Variants in PRKCA observed in about 807,000 individuals in gnomAD.
PRKCA encodes protein kinase C alpha.
A neutral mutation model predicts 87.0 loss-of-function variants in PRKCA; 27 were observed. That is an observed-to-expected ratio of 0.31 (90% CI 0.23 to 0.43). The LOEUF (loss-of-function observed/expected upper bound fraction) is 0.43, where lower values mean the gene tolerates loss of function less well. Among genes scored for constraint, PRKCA ranks in the 20% least tolerant of loss-of-function variants. The pLI, the probability that PRKCA is intolerant of heterozygous loss-of-function variation, is 1.00. For missense variants in PRKCA, 518 were observed against 852.3 expected, an observed-to-expected ratio of 0.61 and a Z score of 4.88; for synonymous variants, 329 against 311.1, an observed-to-expected ratio of 1.06 and a Z score of -0.61.
At chr17:66,470,365 A>G in intron 2 of PRKCA, among the ~76,000 whole-genome samples, 1 of 107,892 alleles carries the variant, frequency 9.3e-6, no homozygotes, top group African/African-American at 4.1e-5. Context: ...AGCTGGGATT[A>G]CAGGCACCCC....
chr17:66,411,855 G>GGCCA (rs67486062), intron 2 of PRKCA, among the ~76,000 whole-genome samples: 2 of 5,108 alleles, frequency 3.9e-4, no homozygotes, highest in Non-Finnish European at 1.9e-3. Context: ...CTGAGCAATG[G>GGCCA]GCCGCCTACT....
At chr17:66,736,284 C>CTT (rs148439214) in intron 10 of PRKCA, among the ~76,000 whole-genome samples, 12 of 144,120 alleles carry the variant, frequency 8.3e-5, no homozygotes, top group South Asian at 2.2e-4. Context: ...ACAGTCTTGG[C>CTT]TTTTTTTTTT....
intron 2 of PRKCA, among the ~76,000 whole-genome samples, chr17:66,349,294 G>T (rs1907589375): frequency 6.6e-6 from 1 of 152,174 alleles, no homozygotes; most frequent in African/African-American, 2.4e-5. Context: ...TTTTATAAGA[G>T]AAATTAAAAT....
chr17:66,463,704 G>C (rs1001091690), intron 2 of PRKCA, among the ~76,000 whole-genome samples: 1 of 152,072 alleles, frequency 6.6e-6, no homozygotes, highest in African/African-American at 2.4e-5. Flanking sequence ...TAGTTTGTTT[G>C]TTTTGTTTTT....
intron 2 of PRKCA, among the ~76,000 whole-genome samples, chr17:66,362,361 T>TG: frequency 6.6e-6 from 1 of 152,298 alleles, no homozygotes. Flanking sequence ...CTTTCTCACC[T>TG]GTACCTTTTA....
intron 3 of PRKCA, among the ~76,000 whole-genome samples, chr17:66,560,945 G>A (rs1045265078): frequency 6.6e-6 from 1 of 152,116 alleles, no homozygotes; most frequent in Non-Finnish European, 1.5e-5. Context: ...CCAAGTCAGC[G>A]CCATCTTCCT....
At chr17:66,530,260 AC>A (rs1423639797) in intron 3 of PRKCA, among the ~76,000 whole-genome samples, 1 of 152,202 alleles carries the variant, frequency 6.6e-6, no homozygotes, top group Non-Finnish European at 1.5e-5. Context: ...GGAGGAATAA[AC>A]ACATGAATGT....
chr17:66,430,557 A>G (rs1166719645), intron 2 of PRKCA, among the ~76,000 whole-genome samples: 2 of 151,994 alleles, frequency 1.3e-5, no homozygotes, highest in Admixed American at 1.3e-4. Flanking sequence ...AATCTGGGGC[A>G]TGGGTCTGAT....
In PRKCA at chr17:66,524,298, C is replaced by T. The variant is rs576840710; in HGVS notation, c.288+28015C>T. ...TAATTTGTTGCTTGCGATTCAGATT[C>T]CTTTAAAGTTAGCAAAGAGCATTTT... On this transcript the variant is annotated intron_variant, in intron 3 of 16. Transcript: ENST00000413366. Among the ~76,000 whole-genome samples, 167 of 152,298 alleles carry T rather than the reference C, an allele frequency of 1.1e-3. 1 individual carries two copies. The highest frequency in any genetic ancestry group is 1.4e-3 in the Admixed American group (22 of 15,300).
intron 13 of PRKCA, among the ~76,000 whole-genome samples, chr17:66,762,842 C>T (rs992173418): frequency 8.5e-5 from 13 of 152,106 alleles, no homozygotes; most frequent in African/African-American, 3.1e-4. Context: ...TTACCCAGGC[C>T]GGAGTGCAGT....
chr17:66,362,469 C>A (rs1343595086), intron 2 of PRKCA, among the ~76,000 whole-genome samples: 1 of 152,170 alleles, frequency 6.6e-6, no homozygotes, highest in Non-Finnish European at 1.5e-5. Context: ...TCAATTGTCC[C>A]ACGATTTCCA....
chr17:66,747,060 T>C (rs138803557), intron 13 of PRKCA, among the ~76,000 whole-genome samples: 55 of 152,300 alleles, frequency 3.6e-4, no homozygotes, highest in African/African-American at 1.3e-3. Flanking sequence ...TTATTTTATA[T>C]AATTTTGTTC....
intron 8 of PRKCA, among the ~76,000 whole-genome samples, chr17:66,709,846 G>C (rs1973279778): frequency 6.6e-6 from 1 of 152,064 alleles, no homozygotes; most frequent in South Asian, 2.1e-4. Flanking sequence ...AGAGCCTTCT[G>C]AATCATCAAG....
chr17:66,733,641 A>C (rs1224486556), intron 9 of PRKCA, among the ~76,000 whole-genome samples: 1 of 152,012 alleles, frequency 6.6e-6, no homozygotes, highest in African/African-American at 2.4e-5. Flanking sequence ...AAAATACAAA[A>C]ATTAGCTGGG....
At chr17:66,762,624 G>C (rs916275677) in intron 13 of PRKCA, among the ~76,000 whole-genome samples, 1 of 152,162 alleles carries the variant, frequency 6.6e-6, no homozygotes, top group East Asian at 1.9e-4. Flanking sequence ...GGGGCTTTCT[G>C]TTTATGACGC....
At chr17:66,789,170 G>A (rs1013933154) in intron 16 of PRKCA, among the ~76,000 whole-genome samples, 191 bp downstream of exon 16, 3 of 152,224 alleles carry the variant, frequency 2.0e-5, no homozygotes, top group Non-Finnish European at 4.4e-5. Context: ...CCTTCAGAGA[G>A]TAAGGACCGA....
In PRKCA at chr17:66,665,786, T is replaced by C. The variant is rs908948211; in HGVS notation, c.529+20275T>C. Among the ~76,000 whole-genome samples the C allele has an allele frequency of 3.3e-5, 5 of 152,366 alleles. No individual in the cohort carries two copies. The South Asian group carries it at 1.0e-3, about 32-fold the overall frequency. ...TCCTAGCCTTGCGGTATGTTAGATT[T>C]ACTTAAAAACATACAAGTGTCTATA... On this transcript the variant is annotated intron_variant, in intron 5 of 16. Coordinates refer to ENST00000413366, the MANE Select transcript of PRKCA (RefSeq NM_002737.3).
intron 16 of PRKCA, among the ~76,000 whole-genome samples, chr17:66,800,060 G>A (rs1975865691): frequency 6.6e-6 from 1 of 152,176 alleles, no homozygotes; most frequent in African/African-American, 2.4e-5. Flanking sequence ...ACACACCCAT[G>A]GCTCATTTCT....
chr17:66,490,930 G>A (rs968766020), intron 2 of PRKCA, among the ~76,000 whole-genome samples: 6 of 152,148 alleles, frequency 3.9e-5, no homozygotes, highest in Non-Finnish European at 7.3e-5. Context: ...TTCTGTTTCT[G>A]AAATATACTT....
Sources: gnomAD v4.1 joint callset for allele counts (sites outside exome capture counted in the v4.1 genomes callset) on GRCh38, gnomAD v4.1.1 for gene constraint, MANE v1.5 for transcripts, NCBI Gene and HGNC (gene_info 2026-07-23, HGNC 2026-07-21) for gene names.